The following NOS1 variants were observed in gnomAD, a reference collection of about 807,000 sequenced individuals.
NOS1 encodes NOS type I.
In NOS1, 51 loss-of-function variants were observed where a neutral mutation model predicts 164.5. The ratio of observed to expected loss-of-function variants is 0.31; its 90% CI spans 0.25 to 0.39. The LOEUF (loss-of-function observed/expected upper bound fraction) is 0.39, where lower values mean the gene tolerates loss of function less well. Ranked by LOEUF, NOS1 falls within the 10% of genes least tolerant of loss-of-function variation. The pLI is 1.00. For synonymous variants in NOS1, 719 were observed against 745.8 expected, an observed-to-expected ratio of 0.96 and a Z score of 0.59; for missense variants, 1,362 against 1,885.6, an observed-to-expected ratio of 0.72 and a Z score of 5.14.
At chr12:117,264,494 TTCTTTCTC>T (rs1872213365) in intron 12 of NOS1, among the ~76,000 whole-genome samples, 1 of 149,984 alleles carries the variant, frequency 6.7e-6, no homozygotes, top group African/African-American at 2.5e-5. Context: ...TTCTTTCTCT[TTCTTTCTC>T]TCTCTCTCTC....
rs1448627745 is a variant in NOS1 at position 117,218,073 on chromosome 12, A to G, written c.4262T>C (p.Ile1421Thr). The G allele has an allele frequency of 1.9e-6, 3 of 1,614,130 alleles. No individual in the cohort carries two copies. Among genetic ancestry groups the G allele is most frequent in the Non-Finnish European group, 2.5e-6 (3 of 1,179,964 alleles). The change falls in exon 28 of 29, where the codon ATT becomes ACT. Residue 1421 changes from isoleucine (I) to threonine (T), a missense_variant. Around this residue, in one of 4 missense-constraint regions of NOS1, gnomAD observed 737 missense variants for 1,030.3 expected, o/e 0.72. Coordinates refer to ENST00000317775, the MANE Select transcript of NOS1 (RefSeq NM_000620.5). ...NRLRSESIAFIEESKKDTDEV... is the reference protein window; with the variant it reads ...NRLRSESIAFTEESKKDTDEV... ...ATCGGTGTCTTTTTTGCTCTCTTCAATGAAGGCAATGGACTCAGATCTAAG... is the reference window on the plus strand; with the variant it reads ...ATCGGTGTCTTTTTTGCTCTCTTCAGTGAAGGCAATGGACTCAGATCTAAG...
intron 2 of NOS1, among the ~76,000 whole-genome samples, chr12:117,324,113 G>T (rs1390116112): frequency 6.6e-6 from 1 of 152,124 alleles, no homozygotes; most frequent in African/African-American, 2.4e-5. Flanking sequence ...GAGGCTTCTA[G>T]GTAGAACCAG....
chr12:117,330,328 A>ACACACCCC lies in NOS1; in HGVS notation c.725+16_725+17insGGGGTGTG. On this transcript the variant is annotated intron_variant, in intron 2 of 28. Transcript: ENST00000317775. This position sits in a 1 kb window ranked among gnomAD's most constrained non-coding sequence, Gnocchi z 4.6. ...CACACACACACACACACACACACAC[A>ACACACCCC]CCCCTGTGGAGCTTACCTGTCCACC... 6.3e-7 allele frequency: 1 copy of ACACACCCC among 1,595,100 alleles called. No homozygotes were observed. Among genetic ancestry groups the ACACACCCC allele is most frequent in the South Asian group, 1.1e-5 (1 of 87,620 alleles).
In NOS1 at chr12:117,303,190, C is replaced by T. The variant is rs577509232; in HGVS notation, c.852+8276G>A. 1.3e-4 allele frequency among the ~76,000 whole-genome samples: 20 copies of T among 152,268 alleles called. No individual in the cohort carries two copies. In the South Asian group the frequency reaches 4.2e-3, roughly 32 times the overall value. On this transcript the variant is annotated intron_variant, in intron 3 of 28. Transcript: ENST00000317775. The stretch of plus-strand genomic sequence containing the variant: ...GACCCAGGCTGGCTGGGGCTGGCTA[C>T]ACCCTTTTGGTTTTCAGCAAGGCCA...
At chr12:117,252,385 G>C (rs887510350) in intron 17 of NOS1, among the ~76,000 whole-genome samples, 2 of 152,162 alleles carry the variant, frequency 1.3e-5, no homozygotes, top group African/African-American at 4.8e-5. Context: ...GGCTGGATTT[G>C]GCTCACAGGT....
intron 20 of NOS1, among the ~76,000 whole-genome samples, chr12:117,237,062 C>T (rs1869773578): frequency 6.6e-6 from 1 of 152,206 alleles, no homozygotes; most frequent in Non-Finnish European, 1.5e-5. Flanking sequence ...TGCTGGGAAG[C>T]CGACCCTCTG....
At chr12:117,334,870 G>A (rs1174905048) in intron 1 of NOS1, among the ~76,000 whole-genome samples, 1 of 152,202 alleles carries the variant, frequency 6.6e-6, no homozygotes, top group Non-Finnish European at 1.5e-5. Context: ...GCTTGTCCCG[G>A]TTTTTGAATG....
intron 3 of NOS1, among the ~76,000 whole-genome samples, chr12:117,291,529 C>CTTTTTTGTTTTTT (rs1873058788): frequency 1.0e-5 from 1 of 97,376 alleles, no homozygotes; most frequent in Non-Finnish European, 2.0e-5. Context: ...TTACATCTGT[C>CTTTTTTGTTTTTT]TTTTTTTTTT....
intron 16 of NOS1, among the ~76,000 whole-genome samples, chr12:117,256,568 G>C (rs927807405): frequency 6.6e-6 from 1 of 151,740 alleles, no homozygotes; most frequent in Non-Finnish European, 1.5e-5. Context: ...ATGAGCCACT[G>C]TGTCTGGCCT....
In NOS1 at chr12:117,331,253, G is replaced by C; in HGVS notation, c.-184C>G. The C allele has an allele frequency of 1.5e-6, 1 of 667,956 alleles. No individual in the cohort carries two copies. Among genetic ancestry groups the C allele is most frequent in the Non-Finnish European group, 2.5e-6 (1 of 406,528 alleles). 41.4% of individuals were successfully genotyped at this position (667,956 alleles called of 1,614,324 possible). A position where few individuals can be genotyped will look rare whatever the true frequency, so the allele number is the denominator to read the frequency against. Reference sequence around the variant, plus strand: ...TCAGCGTCACCCACTCATGGCTGGTGGCCCGTCGGTGGCATGATTTCCTGC... The same window carrying C: ...TCAGCGTCACCCACTCATGGCTGGTCGCCCGTCGGTGGCATGATTTCCTGC... On this transcript the variant is annotated 5_prime_UTR_variant, in exon 2 of 29. Transcript: ENST00000317775.
At chr12:117,267,975 A>G (rs1872543522) in intron 11 of NOS1, 68 bp downstream of exon 11, 18 of 1,141,750 alleles carry the variant, frequency 1.6e-5, no homozygotes, top group Non-Finnish European at 2.0e-5. Context: ...GATCCTCTGC[A>G]TCAAGGCTCT....
At chr12:117,281,079 G>A (rs977284343) in intron 7 of NOS1, among the ~76,000 whole-genome samples, 1 of 152,150 alleles carries the variant, frequency 6.6e-6, no homozygotes, top group African/African-American at 2.4e-5. Context: ...AACGGTGGAG[G>A]GGGTGGGAGC....
At chr12:117,342,306 G>A (rs568358511) in intron 1 of NOS1, among the ~76,000 whole-genome samples, 1 of 152,248 alleles carries the variant, frequency 6.6e-6, no homozygotes, top group East Asian at 1.9e-4. Flanking sequence ...ACAACCTAGG[G>A]TGGAGGTAGT....
At chr12:117,251,890 C>T (rs1285765648) in intron 17 of NOS1, among the ~76,000 whole-genome samples, 1 of 151,598 alleles carries the variant, frequency 6.6e-6, no homozygotes, top group Non-Finnish European at 1.5e-5. Context: ...TGCCACCATG[C>T]CCAGCTAAGT....
rs1403290188 is a variant in NOS1 at position 117,222,819 on chromosome 12, A to G, written c.3871T>C (p.Ser1291Pro). Residue 1291 changes from serine to proline, a missense_variant, in exon 26 of 29, where the codon TCC becomes CCC. Around this residue, in one of 4 missense-constraint regions of NOS1, gnomAD observed 737 missense variants for 1,030.3 expected, o/e 0.72. Coordinates refer to ENST00000317775, the MANE Select transcript of NOS1 (RefSeq NM_000620.5). ...PMVLVFGCRQ[S>P]KIDHIYREET... ...TCCCTGTAGATATGATCTATCTTGG[A>G]TTGCCGGCACCCGAAGACCAGGACC... 1.9e-6 allele frequency: 3 copies of G among 1,613,848 alleles called. No individual in the cohort carries two copies. The highest frequency in any genetic ancestry group is 1.1e-5 in the South Asian group (1 of 91,056).
chr12:117,278,947 A>G (rs1055987094), intron 8 of NOS1, among the ~76,000 whole-genome samples: 2 of 150,368 alleles, frequency 1.3e-5, no homozygotes, highest in Non-Finnish European at 3.0e-5. Context: ...TATTAATAAT[A>G]AATTATCAAT....
Position 117,212,148 on chromosome 12 carries a change from C to A in NOS1, c.*3161G>T. On this transcript the variant is annotated 3_prime_UTR_variant, in exon 29 of 29. Transcript: ENST00000317775. ...CAAACTGCCCGGTGCCTTCCACACACTGGAGAAGCAAGACATGTTATAAGT... is the reference window on the plus strand; with the variant it reads ...CAAACTGCCCGGTGCCTTCCACACAATGGAGAAGCAAGACATGTTATAAGT... The A allele has an allele frequency of 1.0e-6, 1 of 985,360 alleles. No individual in the cohort carries two copies. Among genetic ancestry groups the A allele is most frequent in the Non-Finnish European group, 1.2e-6 (1 of 829,940 alleles). The allele number at this position is 985,360 out of a possible 1,614,324, so 61.0% of individuals were successfully genotyped here.
chr12:117,271,077 A>C (rs1166060265), intron 10 of NOS1, among the ~76,000 whole-genome samples: 1 of 152,076 alleles, frequency 6.6e-6, no homozygotes, highest in African/African-American at 2.4e-5. Context: ...GAAAGAAAAA[A>C]GTTTGCATTG....
chr12:117,301,406 G>A lies in NOS1; in HGVS notation c.852+10060C>T, dbSNP rs183200519. 2.4e-3 allele frequency among the ~76,000 whole-genome samples: 360 copies of A among 152,300 alleles called. 1 individual carries two copies. The highest frequency in any genetic ancestry group is 0.014 in the Middle Eastern group (4 of 294). On this transcript the variant is annotated intron_variant, in intron 3 of 28. Coordinates refer to ENST00000317775, the MANE Select transcript of NOS1 (RefSeq NM_000620.5). Reference sequence around the variant, plus strand: ...TGCCTCCCAAAGTGCTGGGATTACAGGCATGAGCTACACCTGGCCTTCATT... The same window carrying A: ...TGCCTCCCAAAGTGCTGGGATTACAAGCATGAGCTACACCTGGCCTTCATT...
Sources: allele counts gnomAD v4.1 joint callset (sites outside exome capture counted in the v4.1 genomes callset), GRCh38; gene constraint gnomAD v4.1.1; regional missense constraint gnomAD v4.1.1; non-coding constraint Gnocchi (gnomAD v3.1); transcripts MANE v1.5; gene names NCBI Gene and HGNC (gene_info 2026-07-23, HGNC 2026-07-21).